The following LRRTM4 variants were observed in gnomAD, a reference collection of about 807,000 sequenced individuals.
The protein encoded by LRRTM4 is leucine rich repeat transmembrane neuronal 4, also known as leucine-rich repeat transmembrane neuronal protein 4.
Under a neutral mutation model 47.6 loss-of-function variants are expected in LRRTM4, and 25 were observed. The observed-to-expected ratio is 0.53, with a 90% CI of 0.38 to 0.73. The LOEUF is 0.73. Among genes scored for constraint, LRRTM4 ranks in the 30% least tolerant of loss-of-function variants. LRRTM4 has a pLI of 0.00. For missense variants in LRRTM4, 638 were observed against 713.4 expected (o/e 0.89, Z 1.20); for synonymous variants, 311 against 269.5 (o/e 1.15, Z -1.51).
chr2:76,806,242 A>C (rs1675960932), intron 3 of LRRTM4, among the ~76,000 whole-genome samples: 1 of 152,156 alleles, frequency 6.6e-6, no homozygotes, highest in South Asian at 2.1e-4. Flanking sequence ...TTAAACTGTA[A>C]AATTAGAAGA....
intron 3 of LRRTM4, among the ~76,000 whole-genome samples, chr2:77,059,477 T>C (rs1218037216): frequency 1.0e-5 from 1 of 99,610 alleles, no homozygotes; most frequent in East Asian, 2.1e-4. Flanking sequence ...CACAAGCTCG[T>C]TGAGTGTGGT....
chr2:76,879,586 C>A (rs1672872021), intron 3 of LRRTM4, among the ~76,000 whole-genome samples: 2 of 152,110 alleles, frequency 1.3e-5, no homozygotes, highest in African/African-American at 4.8e-5. Context: ...TGGAGATATG[C>A]AAGAAAATTA....
intron 3 of LRRTM4, among the ~76,000 whole-genome samples, chr2:77,459,774 A>G (rs12618973): frequency 0.14 from 21,776 of 150,180 alleles, 1,844 homozygotes; most frequent in South Asian, 0.3. Context: ...AAAAAAAAAA[A>G]AAGAAAATAT....
At chr2:77,393,376 T>C (rs149414323) in intron 3 of LRRTM4, among the ~76,000 whole-genome samples, 2 of 151,908 alleles carry the variant, frequency 1.3e-5, no homozygotes, top group East Asian at 3.9e-4. Context: ...TGGAACACTA[T>C]GGGAAAACAT....
intron 3 of LRRTM4, among the ~76,000 whole-genome samples, chr2:77,509,400 G>T (rs899054929): frequency 2.0e-5 from 3 of 152,028 alleles, no homozygotes; most frequent in African/African-American, 7.2e-5. Context: ...TTCTTTGCAA[G>T]GTGAATAAAA....
At chr2:77,404,718 C>T (rs990375418) in intron 3 of LRRTM4, among the ~76,000 whole-genome samples, 2 of 151,966 alleles carry the variant, frequency 1.3e-5, no homozygotes, top group African/African-American at 2.4e-5. Flanking sequence ...ATCATCATAA[C>T]CCTTGAATTT....
chr2:77,394,875 A>C (rs1382630180), intron 3 of LRRTM4, among the ~76,000 whole-genome samples: 2 of 151,802 alleles, frequency 1.3e-5, no homozygotes, highest in African/African-American at 4.8e-5. Context: ...AGTGAGTGAA[A>C]TCCGTCTCTT....
At chr2:77,050,323 A>T (rs528268662) in intron 3 of LRRTM4, among the ~76,000 whole-genome samples, 4 of 152,250 alleles carry the variant, frequency 2.6e-5, no homozygotes, top group African/African-American at 9.6e-5. Flanking sequence ...CACTGGCCCC[A>T]ACATTGCCAA....
intron 3 of LRRTM4, among the ~76,000 whole-genome samples, chr2:76,810,588 A>G (rs1670703927): frequency 6.6e-6 from 1 of 152,300 alleles, no homozygotes; most frequent in Non-Finnish European, 1.5e-5. Context: ...ATAAACAAAA[A>G]ATGTCTAAAT....
chr2:77,428,690 A>G (rs1675226437), intron 3 of LRRTM4, among the ~76,000 whole-genome samples: 1 of 152,248 alleles, frequency 6.6e-6, no homozygotes, highest in Admixed American at 6.5e-5. Flanking sequence ...TATTGTCAAT[A>G]GAAAACACAG....
intron 3 of LRRTM4, among the ~76,000 whole-genome samples, chr2:77,295,935 C>A (rs1457981481): frequency 6.6e-6 from 1 of 152,152 alleles, no homozygotes; most frequent in African/African-American, 2.4e-5. Context: ...GGGGGCCCAA[C>A]TCAGGCCATG....
chr2:77,206,237 G>A (rs1297805426), intron 3 of LRRTM4, among the ~76,000 whole-genome samples: 1 of 150,626 alleles, frequency 6.6e-6, no homozygotes, highest in Non-Finnish European at 1.5e-5. Flanking sequence ...GGAATGAGGT[G>A]GTGCAATCTT....
At chr2:76,812,701 TTTC>T (rs1670772806) in intron 3 of LRRTM4, among the ~76,000 whole-genome samples, 1 of 150,904 alleles carries the variant, frequency 6.6e-6, no homozygotes, top group Non-Finnish European at 1.5e-5. Flanking sequence ...CTTTCTTTTC[TTTC>T]TTTATTTCTT....
intron 3 of LRRTM4, among the ~76,000 whole-genome samples, chr2:76,903,338 C>T (rs993729792): frequency 2.0e-5 from 3 of 152,064 alleles, no homozygotes; most frequent in Non-Finnish European, 2.9e-5. Flanking sequence ...AGATTGAGAC[C>T]AGCCTGGCCA....
intron 3 of LRRTM4, among the ~76,000 whole-genome samples, chr2:77,079,977 C>G (rs1236425060): frequency 6.6e-6 from 1 of 151,970 alleles, no homozygotes; most frequent in African/African-American, 2.4e-5. Context: ...TCTTTTCCAA[C>G]AAAATTCTCC....
At chr2:77,216,526 A>G (rs1316043207) in intron 3 of LRRTM4, among the ~76,000 whole-genome samples, 1 of 152,040 alleles carries the variant, frequency 6.6e-6, no homozygotes, top group Non-Finnish European at 1.5e-5. Context: ...GCCTGCTGAC[A>G]GAGTGAGAAT....
At chr2:76,908,530 T>C (rs1281116625) in intron 3 of LRRTM4, among the ~76,000 whole-genome samples, 1 of 151,868 alleles carries the variant, frequency 6.6e-6, no homozygotes. Context: ...GGGTATTCAA[T>C]TAAGAAAAGA....
chr2:76,761,295 G>A (rs1335902962), intron 3 of LRRTM4, among the ~76,000 whole-genome samples: 2 of 152,252 alleles, frequency 1.3e-5, no homozygotes, highest in Non-Finnish European at 2.9e-5. Flanking sequence ...TTTTTCTTAA[G>A]CTCATTACCA....
At chr2:77,391,668 T>C (rs542053057) in intron 3 of LRRTM4, among the ~76,000 whole-genome samples, 1 of 152,062 alleles carries the variant, frequency 6.6e-6, no homozygotes, top group South Asian at 2.1e-4. Context: ...CAAATGTCCA[T>C]TGCAAATTTA....
Sources: gnomAD v4.1 joint callset for allele counts (sites outside exome capture counted in the v4.1 genomes callset) on GRCh38, gnomAD v4.1.1 for gene constraint, MANE v1.5 for transcripts, NCBI Gene and HGNC (gene_info 2026-07-23, HGNC 2026-07-21) for gene names.